The following ADGRA2 variants were observed in gnomAD, a reference collection of about 807,000 sequenced individuals.
ADGRA2 encodes the protein G-protein coupled receptor 124.
A neutral mutation model predicts 98.7 loss-of-function variants in ADGRA2; 61 were observed. The observed-to-expected ratio is 0.62, with a 90% confidence interval of 0.50 to 0.76. The LOEUF (loss-of-function observed/expected upper bound fraction) is 0.76. Among genes scored for constraint, ADGRA2 ranks in the 30% least tolerant of loss-of-function variants. The probability of loss-of-function intolerance (pLI) is 0.00; values close to 1 mark genes in which losing one functional copy is unlikely to be tolerated. For synonymous variants in ADGRA2, 858 were observed against 831.5 expected (o/e 1.03, Z -0.55); for missense variants, 1,712 against 1,860.0 (o/e 0.92, Z 1.46).
At chr8:37,815,041 G>C in intron 2 of ADGRA2, 74 bp downstream of exon 2, 2 of 1,033,354 alleles carry the variant, frequency 1.9e-6, no homozygotes, top group Non-Finnish European at 3.1e-6. Context: ...GGAGGAGGAG[G>C]AACGCTGGTC....
intron 15 of ADGRA2, 82 bp from the exon 16 acceptor site, chr8:37,839,417 C>G: frequency 6.3e-7 from 1 of 1,575,398 alleles, no homozygotes; most frequent in South Asian, 1.2e-5. Flanking sequence ...GCCTGCCCCC[C>G]GTGGCTCTCC....
rs370345639 is a variant in ADGRA2, at chr8:37,841,103, G to T, written c.2765G>T (p.Arg922Leu). Residue 922 changes from arginine to leucine, a missense_variant, in exon 19 of 19, where the codon CGT becomes CTT. Coordinates refer to ENST00000412232, the MANE Select transcript of ADGRA2 (RefSeq NM_032777.10). This position sits in a 1 kb window ranked among gnomAD's most constrained non-coding sequence, Gnocchi z 5.0. ...TCCTACAGCTGCTGGCTGGTGTGGC[G>T]TCCAAGCCTTGGCGCCTTCTACATC... The part of the protein sequence containing the change: ...DHSPYCWLVW[R>L]PSLGAFYIPV... The T allele has an allele frequency of 6.2e-7, 1 of 1,600,600 alleles. No homozygotes were observed. The highest frequency in any genetic ancestry group is 1.1e-5 in the South Asian group (1 of 90,012).
intron 1 of ADGRA2, among the ~76,000 whole-genome samples, chr8:37,799,728 G>A (rs912012576): frequency 1.2e-4 from 19 of 152,284 alleles, no homozygotes; most frequent in Middle Eastern, 3.4e-3. Context: ...ATCAGGCTTA[G>A]GATAGGATAC....
At position 37,814,292 on chromosome 8, in the gene ADGRA2, ACTCGGGG is replaced by A. The variant is rs1398730429; in HGVS notation, c.267-600_267-594del. On this transcript the variant is annotated intron_variant, in intron 1 of 18. Coordinates refer to ENST00000412232, the MANE Select transcript of ADGRA2 (RefSeq NM_032777.10). This position sits in a 1 kb window ranked among gnomAD's most constrained non-coding sequence, Gnocchi z 4.3. The stretch of plus-strand genomic sequence containing the variant: ...GAGGCTGAGGCCTGGCTTCCCCTAC[ACTCGGGG>A]CTCCATTGGCTTTCTGCCAAGGCTT... 6.6e-6 allele frequency among the ~76,000 whole-genome samples: 1 copy of A among 151,936 alleles called. No individual in the cohort carries two copies. The highest frequency in any genetic ancestry group is 1.5e-5 in the Non-Finnish European group (1 of 67,980).
chr8:37,831,228 G>T (rs1048593897), intron 7 of ADGRA2, among the ~76,000 whole-genome samples, 195 bp from the exon 8 acceptor site: 2 of 152,202 alleles, frequency 1.3e-5, no homozygotes, highest in African/African-American at 4.8e-5. Flanking sequence ...TTGGCTCCAT[G>T]ATAAGGATGG....
At chr8:37,811,968 T>C (rs1384928526) in intron 1 of ADGRA2, among the ~76,000 whole-genome samples, 3 of 151,546 alleles carry the variant, frequency 2.0e-5, no homozygotes, top group Non-Finnish European at 4.4e-5. Context: ...CCATGCATGG[T>C]GACGGGCACC....
intron 2 of ADGRA2, among the ~76,000 whole-genome samples, chr8:37,824,103 C>T (rs746805200): frequency 3.9e-5 from 6 of 152,146 alleles, no homozygotes; most frequent in Middle Eastern, 3.2e-3. Flanking sequence ...ATGGTCTCAG[C>T]TCACTGCAAT....
intron 2 of ADGRA2, among the ~76,000 whole-genome samples, chr8:37,819,470 G>C (rs1249960595): frequency 6.6e-6 from 1 of 152,184 alleles, no homozygotes; most frequent in Admixed American, 6.5e-5. Context: ...TGGGTTTTAA[G>C]CGATTCTCCT....
At chr8:37,839,356 C>CTACCCTATGGCCTCTGTCACATTCCCAA in intron 15 of ADGRA2, 143 bp from the exon 16 acceptor site, 1 of 1,449,562 alleles carries the variant, frequency 6.9e-7, no homozygotes, top group Non-Finnish European at 9.2e-7. Flanking sequence ...TAAGGACTCC[C>CTACCCTATGGCCTCTGTCACATTCCCAA]TACCCTATGG....
intron 1 of ADGRA2, among the ~76,000 whole-genome samples, chr8:37,811,168 G>GTTTTTTT (rs762992936): frequency 2.0e-5 from 2 of 101,754 alleles, no homozygotes; most frequent in East Asian, 3.8e-4. Context: ...GTGTGTGTGT[G>GTTTTTTT]TTTTTTTTTT....
At position 37,802,588 on chromosome 8, in the gene ADGRA2, T is replaced by C. The variant is rs1804540807; in HGVS notation, c.266+5054T>C. ...TTAGCTGCGGCACCCCCACCCGGGCTCCGGGACCTCGCCTGTTCAAAGGCA... is the reference window on the plus strand; with the variant it reads ...TTAGCTGCGGCACCCCCACCCGGGCCCCGGGACCTCGCCTGTTCAAAGGCA... On this transcript the variant is annotated intron_variant, in intron 1 of 18. Coordinates refer to ENST00000412232, the MANE Select transcript of ADGRA2 (RefSeq NM_032777.10). The surrounding 1 kb of genome is among the most constrained non-coding windows in gnomAD (Gnocchi z 4.7). Among the ~76,000 whole-genome samples the C allele has an allele frequency of 6.6e-6, 1 of 152,148 alleles. No homozygotes were observed. The highest frequency in any genetic ancestry group is 2.4e-5 in the African/African-American group (1 of 41,418).
chr8:37,801,681 C>G (rs370750533), intron 1 of ADGRA2, among the ~76,000 whole-genome samples: 1 of 152,194 alleles, frequency 6.6e-6, no homozygotes, highest in African/African-American at 2.4e-5. Context: ...AGGATCTTAG[C>G]GATAAGGAAG....
intron 5 of ADGRA2, 107 bp from the exon 6 acceptor site, chr8:37,829,744 T>C: frequency 8.6e-7 from 1 of 1,166,188 alleles, no homozygotes; most frequent in Non-Finnish European, 1.3e-6. Context: ...TAGACCCGAT[T>C]TTGCCCCTCC....
Position 37,834,149 on chromosome 8 carries a change from G to C in ADGRA2, c.1608+21G>C. 1 of 1,594,826 alleles carries C rather than the reference G, an allele frequency of 6.3e-7. No individual in the cohort carries two copies. ...CAGTGGTAATGGGGGTCAGCAGAGG[G>C]GGTGGCCCTGGCATGCAGAGGAGGG... On this transcript the variant is annotated intron_variant, in intron 11 of 18. Transcript: ENST00000412232. The surrounding 1 kb of genome is among the most constrained non-coding windows in gnomAD (Gnocchi z 4.2).
At chr8:37,839,978 G>C (rs1034179144) in intron 16 of ADGRA2, 143 bp from the exon 17 acceptor site, 13 of 730,594 alleles carry the variant, frequency 1.8e-5, no homozygotes, top group Non-Finnish European at 2.9e-5. Flanking sequence ...GAAGCTTGGC[G>C]AGTGTATGGG....
At position 37,839,098 on chromosome 8, in the gene ADGRA2, A is replaced by C. The variant is rs766265740; in HGVS notation, c.2387+15A>C. ...CTCAACCACAGGTGGGTGCTCCTGC[A>C]GGAGGGAGGGCGTGGTGGGCAGGCA... On this transcript the variant is annotated intron_variant, in intron 15 of 18. Transcript: ENST00000412232. 7 of 1,606,710 alleles carry C rather than the reference A, an allele frequency of 4.4e-6. No homozygotes were observed. The African/African-American group carries it at 6.7e-5, about 15-fold the overall frequency.
In ADGRA2 at chr8:37,842,286, G is replaced by A. The variant is rs1437052592; in HGVS notation, c.3948G>A (p.Leu1316=). 5 of 1,578,316 alleles carry A rather than the reference G, an allele frequency of 3.2e-6. No homozygotes were observed. Among genetic ancestry groups the A allele is most frequent in the Non-Finnish European group, 3.4e-6 (4 of 1,166,538 alleles). The part of the protein sequence containing the change: ...PKGGKYDDVT[L]MGAEVASGGC... ...GGGGCAAGTACGACGACGTCACCCT[G>A]ATGGGCGCGGAGGTAGCCAGCGGCG... Residue 1316 remains leucine, a synonymous_variant, in exon 19 of 19, where the codon CTG becomes CTA. Transcript: ENST00000412232.
chr8:37,819,904 CAA>C (rs1210172247), intron 2 of ADGRA2, among the ~76,000 whole-genome samples: 1 of 152,022 alleles, frequency 6.6e-6, no homozygotes, highest in Non-Finnish European at 1.5e-5. Flanking sequence ...CTCCTGACCT[CAA>C]GTGATCTGCC....
intron 1 of ADGRA2, among the ~76,000 whole-genome samples, chr8:37,806,513 C>CTTTTTT (rs1246419562): frequency 1.9e-5 from 2 of 103,228 alleles, no homozygotes; most frequent in African/African-American, 5.0e-5. Flanking sequence ...TTTTCTTTTT[C>CTTTTTT]TTTTTTCTTT....
Sources: gnomAD v4.1 joint callset for allele counts (sites outside exome capture counted in the v4.1 genomes callset) on GRCh38, gnomAD v4.1.1 for gene constraint, Gnocchi (gnomAD v3.1) non-coding constraint, MANE v1.5 for transcripts, NCBI Gene and HGNC (gene_info 2026-07-23, HGNC 2026-07-21) for gene names.